Variants in AGMO observed in about 807,000 individuals in gnomAD.
AGMO encodes glyceryl-ether monooxygenase.
In AGMO, 75 loss-of-function variants were observed where a neutral mutation model predicts 60.2. The observed-to-expected ratio is 1.25, with a 90% CI of 1.03 to 1.51. The LOEUF is 1.51. AGMO is among the 40% of genes most tolerant of loss of function. The pLI is 0.00. For missense variants in AGMO, 763 were observed against 525.5 expected, an observed-to-expected ratio of 1.45 and a Z score of -4.42; for synonymous variants, 261 against 177.1, an observed-to-expected ratio of 1.47 and a Z score of -3.76.
chr7:15,364,596 A>T lies in AGMO; in HGVS notation c.1263+918T>A, dbSNP rs76036343. Among the ~76,000 whole-genome samples, 2,204 of 152,080 alleles carry T rather than the reference A, an allele frequency of 0.014. 141 individuals are homozygous for T. In the East Asian group the frequency reaches 0.23, roughly 16 times the overall value. On this transcript the variant is annotated intron_variant, in intron 12 of 12. Coordinates refer to ENST00000342526, the MANE Select transcript of AGMO (RefSeq NM_001004320.2). The stretch of plus-strand genomic sequence containing the variant: ...AAGGAATAATATTGCATATACACCG[A>T]TTCGCGTGTGTGAGTATATCATTTC...
chr7:15,257,028 A>G (rs1000461436), intron 12 of AGMO, among the ~76,000 whole-genome samples: 1 of 152,164 alleles, frequency 6.6e-6, no homozygotes, highest in Non-Finnish European at 1.5e-5. Context: ...TTGTATTTCC[A>G]TGATTCTATA....
chr7:15,202,643 TA>T (rs1475522768), intron 12 of AGMO, among the ~76,000 whole-genome samples: 1 of 151,924 alleles, frequency 6.6e-6, no homozygotes, highest in East Asian at 1.9e-4. Flanking sequence ...ACACCCACAA[TA>T]TGAAAAAATA....
intron 12 of AGMO, among the ~76,000 whole-genome samples, chr7:15,242,539 T>C (rs1782621706): frequency 6.6e-6 from 1 of 152,146 alleles, no homozygotes; most frequent in African/African-American, 2.4e-5. Context: ...AACTGGTGGG[T>C]GTAAAGATCC....
intron 12 of AGMO, among the ~76,000 whole-genome samples, chr7:15,205,337 T>C (rs989672071): frequency 2.6e-5 from 4 of 152,118 alleles, no homozygotes; most frequent in African/African-American, 9.7e-5. Flanking sequence ...TCAGATAAGC[T>C]TACAAATAAA....
At chr7:15,262,001 A>C (rs748777739) in intron 12 of AGMO, among the ~76,000 whole-genome samples, 2 of 151,996 alleles carry the variant, frequency 1.3e-5, no homozygotes, top group Non-Finnish European at 2.9e-5. Context: ...ATTTTAAGAC[A>C]GTAAAAGCCA....
chr7:15,530,426 G>A (rs1198149265), intron 3 of AGMO, among the ~76,000 whole-genome samples: 1 of 123,520 alleles, frequency 8.1e-6, no homozygotes, highest in African/African-American at 3.1e-5. Context: ...TTCTAAATAC[G>A]TATTTCTATA....
At chr7:15,147,883 T>C in the AGMO span, among the ~76,000 whole-genome samples, 1 of 152,222 alleles carries the variant, frequency 6.6e-6, no homozygotes, top group East Asian at 1.9e-4. Flanking sequence ...TTGGAGATTA[T>C]ACCTGCACTA....
At chr7:15,144,841 T>C in the AGMO span, among the ~76,000 whole-genome samples, 1 of 152,224 alleles carries the variant, frequency 6.6e-6, no homozygotes, top group African/African-American at 2.4e-5. Context: ...TTTTTGTTGT[T>C]GTTGTTGAGA....
intron 12 of AGMO, among the ~76,000 whole-genome samples, chr7:15,236,144 G>A (rs1481571748): frequency 1.3e-5 from 2 of 152,226 alleles, no homozygotes; most frequent in South Asian, 2.1e-4. Context: ...TATTGTTCAT[G>A]TATAAAGATT....
At chr7:15,248,179 CATATATATATAT>C (rs71549925) in intron 12 of AGMO, among the ~76,000 whole-genome samples, 2,868 of 32,598 alleles carry the variant, frequency 0.088, 157 homozygotes, top group South Asian at 0.15. Context: ...GATCCAGCAC[CATATATATATAT>C]ATATATATAT....
intron 12 of AGMO, among the ~76,000 whole-genome samples, chr7:15,272,066 G>A (rs559504665): frequency 2.6e-5 from 4 of 152,108 alleles, no homozygotes; most frequent in East Asian, 3.9e-4. Flanking sequence ...ATGTGCTACT[G>A]GATTTACTTT....
intron 3 of AGMO, among the ~76,000 whole-genome samples, chr7:15,503,534 A>G (rs1044213157): frequency 1.2e-4 from 19 of 152,166 alleles, no homozygotes; most frequent in African/African-American, 4.6e-4. Flanking sequence ...GAAAATCTCC[A>G]TGAAAAGTTA....
chr7:15,466,332 C>A (rs1036820859), intron 3 of AGMO, among the ~76,000 whole-genome samples: 2 of 152,136 alleles, frequency 1.3e-5, no homozygotes, highest in Non-Finnish European at 2.9e-5. Flanking sequence ...GAATTTTATG[C>A]ATCCTTGCTG....
the AGMO span, among the ~76,000 whole-genome samples, chr7:15,134,835 C>T: frequency 2.0e-5 from 3 of 151,978 alleles, 1 homozygote; most frequent in Admixed American, 1.3e-4. Flanking sequence ...TAAAACACTT[C>T]ACATACACGT....
intron 12 of AGMO, among the ~76,000 whole-genome samples, chr7:15,337,841 C>T (rs543847304): frequency 2.6e-5 from 4 of 152,164 alleles, no homozygotes; most frequent in African/African-American, 9.7e-5. Context: ...ATATTAGGCA[C>T]CTGGGCTCCA....
Position 15,206,113 on chromosome 7 carries a change from A to C in AGMO, c.1264-4754T>G, listed in dbSNP as rs140119628. Among the ~76,000 whole-genome samples the C allele has an allele frequency of 5.5e-3, 833 of 152,242 alleles. 6 individuals carry two copies. Among genetic ancestry groups the C allele is most frequent in the African/African-American group, 0.018 (758 of 41,572 alleles). On this transcript the variant is annotated intron_variant, in intron 12 of 12. Coordinates refer to ENST00000342526, the MANE Select transcript of AGMO (RefSeq NM_001004320.2). ...AGAACCCAAAGAGAGATTAAGCCTG[A>C]ACTGCTCCAAAATATCTCTATTTCC...
At chr7:15,136,913 A>T in the AGMO span, among the ~76,000 whole-genome samples, 1 of 152,134 alleles carries the variant, frequency 6.6e-6, no homozygotes, top group Non-Finnish European at 1.5e-5. Flanking sequence ...CCTACACTGA[A>T]ATTCTAGCCT....
At chr7:15,170,145 G>A in the AGMO span, among the ~76,000 whole-genome samples, 1 of 152,228 alleles carries the variant, frequency 6.6e-6, no homozygotes, top group Non-Finnish European at 1.5e-5. Context: ...CTTCTGACCA[G>A]GGGTGAGCAA....
the AGMO span, among the ~76,000 whole-genome samples, chr7:15,135,465 G>T: frequency 6.6e-6 from 1 of 152,012 alleles, no homozygotes; most frequent in African/African-American, 2.4e-5. Flanking sequence ...TTGACTTTAT[G>T]AGTTTGTCTT....
Sources: allele counts gnomAD v4.1 joint callset (sites outside exome capture counted in the v4.1 genomes callset), GRCh38; gene constraint gnomAD v4.1.1; transcripts MANE v1.5; gene names NCBI Gene and HGNC (gene_info 2026-07-23, HGNC 2026-07-21).